TCP11L1: variants seen among roughly 807,000 people sequenced by gnomAD.
TCP11L1 encodes t-complex 11 like 1.
Under a neutral mutation model 48.9 loss-of-function variants are expected in TCP11L1, and 28 were observed. That is an observed-to-expected ratio of 0.57 (90% CI 0.42 to 0.78). The LOEUF is 0.78. Ranked by LOEUF, TCP11L1 falls within the 30% of genes least tolerant of loss-of-function variation. The pLI is 0.00. For synonymous variants in TCP11L1, 204 were observed against 231.9 expected (o/e 0.88, Z 1.09); for missense variants, 505 against 613.4 (o/e 0.82, Z 1.87).
At chr11:33,047,644 A>C (rs564590525) in intron 2 of TCP11L1, among the ~76,000 whole-genome samples, 2 of 152,340 alleles carry the variant, frequency 1.3e-5, no homozygotes, top group East Asian at 3.9e-4. Context: ...GCTCATGACT[A>C]GACTTTGAAT....
intron 1 of TCP11L1, among the ~76,000 whole-genome samples, chr11:33,041,960 A>C (rs539564160): frequency 2.0e-5 from 3 of 152,268 alleles, no homozygotes; most frequent in Non-Finnish European, 4.4e-5. Context: ...AAGAAAGTCT[A>C]ATTAGTGTTT....
At chr11:33,044,042 T>TA (rs1703292275) in intron 2 of TCP11L1, 106 bp downstream of exon 2, 1 of 1,156,050 alleles carries the variant, frequency 8.7e-7, no homozygotes, top group South Asian at 1.9e-5. Flanking sequence ...TCTAATAATA[T>TA]AACATTGCCA....
intron 2 of TCP11L1, among the ~76,000 whole-genome samples, chr11:33,046,697 CATT>C (rs1261171008): frequency 1.3e-5 from 2 of 152,098 alleles, no homozygotes; most frequent in Non-Finnish European, 2.9e-5. Context: ...GCTAAGACCT[CATT>C]ATCTGGGCAT....
At chr11:33,066,954 C>T (rs1854637652) in intron 8 of TCP11L1, among the ~76,000 whole-genome samples, 1 of 147,722 alleles carries the variant, frequency 6.8e-6, no homozygotes, top group Admixed American at 6.8e-5. Context: ...CTGATTGTTT[C>T]TACTCTATTC....
intron 6 of TCP11L1, among the ~76,000 whole-genome samples, chr11:33,060,989 T>C (rs1953000821): frequency 6.6e-6 from 1 of 152,186 alleles, no homozygotes; most frequent in Non-Finnish European, 1.5e-5. Context: ...AGGGTCTAGC[T>C]CTGTCCCCCA....
intron 7 of TCP11L1, among the ~76,000 whole-genome samples, chr11:33,062,104 ATAAAT>A (rs888542095): frequency 6.6e-6 from 1 of 152,110 alleles, no homozygotes; most frequent in Non-Finnish European, 1.5e-5. Flanking sequence ...AAATAAGTAA[ATAAAT>A]AAAATAAAAA....
chr11:33,054,759 A>T (rs780409840), intron 3 of TCP11L1, 34 bp downstream of exon 3: 1 of 1,580,716 alleles, frequency 6.3e-7, no homozygotes, highest in Non-Finnish European at 8.6e-7. Context: ...TGCTTAGTAG[A>T]ACACTGTCAT....
chr11:33,072,519 A>T lies in TCP11L1; in HGVS notation c.1373A>T (p.His458Leu). ...TFLETYLASG[H>L]QKPLPTVPGG... ...TTAGAAACCTACCTTGCCTCGGGTCATCAGAAGCCATTGCCCACAGTCCCT... is the reference window on the plus strand; with the variant it reads ...TTAGAAACCTACCTTGCCTCGGGTCTTCAGAAGCCATTGCCCACAGTCCCT... The change falls in exon 10 of 10, where the codon CAT becomes CTT. Residue 458 changes from histidine (H) to leucine (L), a missense_variant. His to Leu is a moderately conservative substitution (Grantham distance 99, BLOSUM62 -3). Coordinates refer to ENST00000334274, the MANE Select transcript of TCP11L1 (RefSeq NM_018393.4). 1 of 1,614,200 alleles carries T rather than the reference A, an allele frequency of 6.2e-7. No individual in the cohort carries two copies. The highest frequency in any genetic ancestry group is 8.5e-7 in the Non-Finnish European group (1 of 1,180,040).
chr11:33,061,581 T>A lies in TCP11L1; in HGVS notation c.827T>A (p.Met276Lys). ...QWLEEASEDLMTQKYKHALPV... is the reference protein window; with the variant it reads ...QWLEEASEDLKTQKYKHALPV... ...CTGGAAGAAGCCTCAGAGGACCTTA[T>A]GACTCAGAAGTATAAACACGCCCTG... Residue 276 changes from methionine to lysine, a missense_variant, in exon 7 of 10, where the codon ATG (methionine) becomes AAG (lysine). Coordinates refer to ENST00000334274, the MANE Select transcript of TCP11L1 (RefSeq NM_018393.4). 16 of 1,611,306 alleles carry A rather than the reference T, an allele frequency of 9.9e-6. No individual in the cohort carries two copies. Among genetic ancestry groups the A allele is most frequent in the Non-Finnish European group, 1.4e-5 (16 of 1,178,830 alleles).
intron 1 of TCP11L1, chr11:33,040,082 G>C (rs1289266278): frequency 2.0e-5 from 3 of 149,510 alleles, no homozygotes; most frequent in Non-Finnish European, 4.5e-5. Context: ...CCAGAGGAGG[G>C]GATTCCCGGC....
chr11:33,039,954 G>A (rs1000513619), intron 1 of TCP11L1, 162 bp downstream of exon 1: 4 of 152,324 alleles, frequency 2.6e-5, no homozygotes, highest in Non-Finnish European at 5.9e-5. Flanking sequence ...CTCACCCCTC[G>A]AGGCTGTCCT....
intron 6 of TCP11L1, among the ~76,000 whole-genome samples, chr11:33,060,532 C>T (rs1854439021): frequency 6.6e-6 from 1 of 152,166 alleles, no homozygotes; most frequent in African/African-American, 2.4e-5. Context: ...ACTAACAGAG[C>T]TGCAACACCT....
chr11:33,048,624 A>C (rs570111620), intron 2 of TCP11L1, among the ~76,000 whole-genome samples: 1 of 152,334 alleles, frequency 6.6e-6, no homozygotes, highest in South Asian at 2.1e-4. Flanking sequence ...TAGTCTCTTA[A>C]CTTGGACAGT....
intron 3 of TCP11L1, 79 bp from the exon 4 acceptor site, chr11:33,057,036 G>A (rs1447877112): frequency 6.3e-7 from 1 of 1,593,266 alleles, no homozygotes; most frequent in African/African-American, 1.3e-5. Context: ...TAAACCCATA[G>A]TATTTGTGCT....
At chr11:33,065,275 T>C (rs1466358022) in intron 7 of TCP11L1, among the ~76,000 whole-genome samples, 1 of 152,142 alleles carries the variant, frequency 6.6e-6, no homozygotes, top group African/African-American at 2.4e-5. Context: ...TGCTATTTTT[T>C]TTTTTGAGAA....
At chr11:33,049,640 C>G (rs1020823733) in intron 2 of TCP11L1, among the ~76,000 whole-genome samples, 2 of 152,142 alleles carry the variant, frequency 1.3e-5, no homozygotes, top group African/African-American at 4.8e-5. Flanking sequence ...TTGATGTGCA[C>G]GGATACAAAC....
intron 2 of TCP11L1, among the ~76,000 whole-genome samples, chr11:33,044,298 G>A (rs765003181): frequency 6.6e-6 from 1 of 150,552 alleles, no homozygotes; most frequent in Non-Finnish European, 1.5e-5. Context: ...TGCTTGTGCA[G>A]GTTAAAAAAA....
chr11:33,040,600 T>C (rs1853802322), intron 1 of TCP11L1: 1 of 152,274 alleles, frequency 6.6e-6, no homozygotes, highest in Non-Finnish European at 1.5e-5. Context: ...ATATGACTGG[T>C]CCTGGCTCTT....
At chr11:33,070,559 C>T in intron 9 of TCP11L1, among the ~76,000 whole-genome samples, 1 of 150,710 alleles carries the variant, frequency 6.6e-6, no homozygotes, top group East Asian at 2.0e-4. Context: ...GTGGTGCATG[C>T]CTGTGATGCT....
Sources: gnomAD v4.1 joint callset for allele counts (sites outside exome capture counted in the v4.1 genomes callset) on GRCh38, gnomAD v4.1.1 for gene constraint, MANE v1.5 for transcripts, NCBI Gene and HGNC (gene_info 2026-07-23, HGNC 2026-07-21) for gene names.